The following RBM28 variants were observed in gnomAD, a reference collection of about 807,000 sequenced individuals.
RBM28 encodes the protein RNA binding motif protein 28, also known as RNA-binding protein 28.
A neutral mutation model predicts 98.3 loss-of-function variants in RBM28; 78 were observed. The observed-to-expected ratio is 0.79, with a 90% CI of 0.66 to 0.96. The LOEUF (loss-of-function observed/expected upper bound fraction) is 0.96, where lower values mean the gene tolerates loss of function less well. RBM28 is among the 40% of genes least tolerant of loss of function. The pLI is 0.00. For synonymous variants in RBM28, 306 were observed against 330.9 expected, an observed-to-expected ratio of 0.92 and a Z score of 0.82; for missense variants, 838 against 913.0, an observed-to-expected ratio of 0.92 and a Z score of 1.06.
intron 12 of RBM28, among the ~76,000 whole-genome samples, chr7:128,324,016 C>T (rs1015785851): frequency 1.3e-5 from 2 of 152,032 alleles, no homozygotes; most frequent in African/African-American, 4.8e-5. Flanking sequence ...ATAAGCCAGC[C>T]GAAAACAGTT....
Position 128,314,307 on chromosome 7 carries a change from T to C in RBM28, c.2045+457A>G, listed in dbSNP as rs143216693. 2.0e-3 allele frequency among the ~76,000 whole-genome samples: 306 copies of C among 152,360 alleles called. 3 individuals are homozygous for C. Among genetic ancestry groups the C allele is most frequent in the African/African-American group, 6.8e-3 (283 of 41,582 alleles). On this transcript the variant is annotated intron_variant, in intron 17 of 18. Transcript: ENST00000223073. The stretch of plus-strand genomic sequence containing the variant: ...TTACCCAGTCTCAGGTATTTCTTTA[T>C]AGCAGTGGAAGAACTGAATAATACA...
intron 6 of RBM28, among the ~76,000 whole-genome samples, chr7:128,336,919 T>C (rs113077964): frequency 9.9e-5 from 15 of 152,236 alleles, no homozygotes; most frequent in Middle Eastern, 3.4e-3. Flanking sequence ...CAGCTAATTT[T>C]TGTATTTTTA....
chr7:128,337,328 T>C (rs1796623127), intron 5 of RBM28, 126 bp from the exon 6 acceptor site: 5 of 905,284 alleles, frequency 5.5e-6, no homozygotes, highest in Non-Finnish European at 8.9e-6. Flanking sequence ...ATTCAGGGAA[T>C]GCTGGTCTTA....
chr7:128,334,157 G>T (rs1302061583), intron 8 of RBM28, among the ~76,000 whole-genome samples: 2 of 152,122 alleles, frequency 1.3e-5, no homozygotes, highest in Non-Finnish European at 2.9e-5. Flanking sequence ...TGGGTATAAG[G>T]GAGACTCACT....
chr7:128,317,802 C>G (rs1013498376), intron 15 of RBM28, 69 bp from the exon 16 acceptor site: 9 of 1,484,826 alleles, frequency 6.1e-6, no homozygotes, highest in Non-Finnish European at 8.4e-6. Context: ...CTGAGTTTTT[C>G]CCCTTCACAC....
intron 1 of RBM28, among the ~76,000 whole-genome samples, chr7:128,341,572 T>A (rs979621327): frequency 6.6e-6 from 1 of 152,246 alleles, no homozygotes; most frequent in Non-Finnish European, 1.5e-5. Flanking sequence ...CAGCACTCTT[T>A]CCAGTACATA....
chr7:128,314,150 G>A (rs1253250895), intron 17 of RBM28, among the ~76,000 whole-genome samples: 1 of 152,052 alleles, frequency 6.6e-6, no homozygotes, highest in East Asian at 1.9e-4. Flanking sequence ...TTTTAGTAGA[G>A]ACGGGGTTTC....
At chr7:128,340,930 T>G (rs1228217385) in intron 1 of RBM28, among the ~76,000 whole-genome samples, 16 of 152,204 alleles carry the variant, frequency 1.1e-4, no homozygotes, top group Admixed American at 9.8e-4. Flanking sequence ...AATTAACTCC[T>G]CCTCACCAGC....
Position 128,318,020 on chromosome 7 carries a change from G to C in RBM28, c.1650C>G (p.His550Gln). The C allele has an allele frequency of 6.2e-7, 1 of 1,614,180 alleles. No homozygotes were observed. The highest frequency in any genetic ancestry group is 8.5e-7 in the Non-Finnish European group (1 of 1,180,042). ...LGYAFAEFQEHEHALKALRLI... is the reference protein window; with the variant it reads ...LGYAFAEFQEQEHALKALRLI... Reference sequence around the variant, plus strand: ...GGCGGAGGGCTTTCAGGGCATGCTCGTGCTCTTGGAACTCCGCAAAGGCGT... The same window carrying C: ...GGCGGAGGGCTTTCAGGGCATGCTCCTGCTCTTGGAACTCCGCAAAGGCGT... The change falls in exon 15 of 19, where the codon CAC becomes CAG. Residue 550 changes from histidine (H) to glutamine (Q), a missense_variant. Transcript: ENST00000223073.
intron 12 of RBM28, among the ~76,000 whole-genome samples, 184 bp from the exon 13 acceptor site, chr7:128,323,775 G>T (rs750061287): frequency 6.6e-6 from 1 of 152,190 alleles, no homozygotes; most frequent in Non-Finnish European, 1.5e-5. Flanking sequence ...GCTCAGAGCT[G>T]CTCTCAAGGA....
intron 15 of RBM28, 39 bp downstream of exon 15, chr7:128,317,918 G>C (rs145792753): frequency 1.2e-5 from 19 of 1,611,216 alleles, no homozygotes; most frequent in Non-Finnish European, 1.6e-5. Flanking sequence ...CCTGCAAGTG[G>C]TCCTAAGGGA....
intron 18 of RBM28, among the ~76,000 whole-genome samples, chr7:128,312,657 G>GT (rs36011424): frequency 0.68 from 103,043 of 152,028 alleles, 35,966 homozygotes; most frequent in African/African-American, 0.84. Context: ...AGTATAATGT[G>GT]GGACTTTGGA....
chr7:128,312,347 G>A (rs1030691405), intron 18 of RBM28, among the ~76,000 whole-genome samples: 4 of 152,180 alleles, frequency 2.6e-5, no homozygotes, highest in East Asian at 1.9e-4. Context: ...GCAGTGAGCC[G>A]AGATTGCGCC....
chr7:128,310,884 GT>G lies in RBM28; in HGVS notation c.2192del (p.Asn731ThrfsTer59). ...AKGNKTETRF[N>X]QLVEQYKQKL... is the part of the protein sequence containing the mutation. The stretch of plus-strand genomic sequence containing the variant: ...TCTGCTTATATTGTTCGACCAGCTG[GT>G]TGAAGCGGGTTTCCGTCTTATTTCC... On this transcript the variant is annotated frameshift_variant, in exon 19 of 19. Coordinates refer to ENST00000223073, the MANE Select transcript of RBM28 (RefSeq NM_018077.3). LOFTEE classifies it high-confidence loss of function. 1 of 1,613,962 alleles carries G rather than the reference GT, an allele frequency of 6.2e-7. No homozygotes were observed. The highest frequency in any genetic ancestry group is 8.5e-7 in the Non-Finnish European group (1 of 1,179,820).
chr7:128,343,872 G>C lies in RBM28; in HGVS notation c.-79C>G. On this transcript the variant is annotated 5_prime_UTR_variant, in exon 1 of 19. Transcript: ENST00000223073. ...GCGAGCCGAAACGCTGGCTTTGGTA[G>C]GACAACCAAGCTCACACGCCGAGAG... is the stretch of plus-strand genomic sequence containing the variant. 1.0e-6 allele frequency: 1 copy of C among 997,704 alleles called. No individual in the cohort carries two copies. Among genetic ancestry groups the C allele is most frequent in the South Asian group, 1.6e-5 (1 of 61,568 alleles). The allele number at this position is 997,704 out of a possible 1,614,324, so 61.8% of individuals were successfully genotyped here. A position where few individuals can be genotyped will look rare whatever the true frequency, so the allele number is the denominator to read the frequency against.
rs945361403 is a variant in RBM28, at chr7:128,343,800, G to C, written c.-7C>G. The C allele has an allele frequency of 3.8e-6, 6 of 1,583,712 alleles. No homozygotes were observed. The highest frequency in any genetic ancestry group is 5.2e-6 in the Non-Finnish European group (6 of 1,164,468). On this transcript the variant is annotated 5_prime_UTR_variant, in exon 1 of 19. Coordinates refer to ENST00000223073, the MANE Select transcript of RBM28 (RefSeq NM_018077.3). Reference sequence around the variant, plus strand: ...ATAAGGTCAGGCCGGCCATGAGACCGGGAAACCCAAAGCGCGTGAGGACGC... The same window carrying C: ...ATAAGGTCAGGCCGGCCATGAGACCCGGAAACCCAAAGCGCGTGAGGACGC...
intron 8 of RBM28, among the ~76,000 whole-genome samples, 169 bp downstream of exon 8, chr7:128,335,374 C>T (rs891447013): frequency 4.6e-5 from 7 of 152,110 alleles, no homozygotes; most frequent in African/African-American, 1.7e-4. Context: ...AACAAAAAAA[C>T]CTTTGGAAGA....
In RBM28 at chr7:128,339,305, T is replaced by TG; in HGVS notation, c.293dup (p.Lys100GlufsTer6). 6.2e-7 allele frequency: 1 copy of TG among 1,612,140 alleles called. No individual in the cohort carries two copies. Among genetic ancestry groups the TG allele is most frequent in the Non-Finnish European group, 8.5e-7 (1 of 1,178,538 alleles). On this transcript the variant is annotated frameshift_variant, in exon 3 of 19. Transcript: ENST00000223073. LOFTEE classifies it high-confidence loss of function. Reference sequence around the variant, plus strand: ...CTTTTTTAGCCTTCGGCTCCTTCTTTGGGCACTCTGAGTTTTCTAAAAAAT... The same window carrying TG: ...CTTTTTTAGCCTTCGGCTCCTTCTTTGGGGCACTCTGAGTTTTCTAAAAAAT...
chr7:128,315,341 A>G (rs138247861), intron 16 of RBM28, among the ~76,000 whole-genome samples: 2 of 152,220 alleles, frequency 1.3e-5, no homozygotes, highest in Non-Finnish European at 2.9e-5. Flanking sequence ...TACAAGAAGA[A>G]AGCAAGCAAC....
Sources: gnomAD v4.1 joint callset for allele counts (sites outside exome capture counted in the v4.1 genomes callset) on GRCh38, gnomAD v4.1.1 for gene constraint, MANE v1.5 for transcripts, NCBI Gene and HGNC (gene_info 2026-07-23, HGNC 2026-07-21) for gene names.